Variants in TBC1D22A observed in about 807,000 individuals in gnomAD.
The protein encoded by TBC1D22A is putative GTPase activator.
In TBC1D22A, 38 loss-of-function variants were observed where a neutral mutation model predicts 60.2. The ratio of observed to expected loss-of-function variants is 0.63; its 90% CI spans 0.49 to 0.83. The LOEUF (loss-of-function observed/expected upper bound fraction) is 0.83. TBC1D22A is among the 40% of genes least tolerant of loss of function. The pLI, the probability that TBC1D22A is intolerant of heterozygous loss-of-function variation, is 0.00. For missense variants in TBC1D22A, 628 were observed against 701.0 expected (o/e 0.90, Z 1.18); for synonymous variants, 302 against 281.7 (o/e 1.07, Z -0.72).
In TBC1D22A at chr22:47,085,768, GA is replaced by G. The variant is rs1274220237; in HGVS notation, c.1330-25732del. On this transcript the variant is annotated intron_variant, in intron 11 of 12. Coordinates refer to ENST00000337137, the MANE Select transcript of TBC1D22A (RefSeq NM_014346.5). ...TTATCAGTGTGTGAGTTATCAAGTA[GA>G]AAAAAAAGGGCCAAGGATTCAAATA... 8.6e-5 allele frequency among the ~76,000 whole-genome samples: 13 copies of G among 151,672 alleles called. No homozygotes were observed. The East Asian group carries it at 2.5e-3, about 29-fold the overall frequency.
chr22:47,158,423 A>G (rs1199931526), intron 12 of TBC1D22A, among the ~76,000 whole-genome samples: 1 of 152,190 alleles, frequency 6.6e-6, no homozygotes, highest in Non-Finnish European at 1.5e-5. Context: ...AGGGGAGAGG[A>G]GAGGCACTGA....
intron 12 of TBC1D22A, among the ~76,000 whole-genome samples, chr22:47,159,232 A>T (rs1409522991): frequency 6.6e-6 from 1 of 151,332 alleles, no homozygotes; most frequent in Non-Finnish European, 1.5e-5. Context: ...CACAGACACC[A>T]CACACAAAAT....
At chr22:46,945,646 C>T (rs1319172930) in intron 8 of TBC1D22A, among the ~76,000 whole-genome samples, 1 of 152,204 alleles carries the variant, frequency 6.6e-6, no homozygotes, top group Non-Finnish European at 1.5e-5. Flanking sequence ...CTGCATTTGT[C>T]TCCCAGCCTC....
intron 10 of TBC1D22A, among the ~76,000 whole-genome samples, chr22:47,003,565 G>A (rs374284734): frequency 3.7e-4 from 37 of 100,468 alleles, no homozygotes; most frequent in Admixed American, 8.3e-4. Flanking sequence ...CACACCCTAC[G>A]CACACATGCC....
At chr22:47,167,838 C>T (rs1294233747) in intron 12 of TBC1D22A, among the ~76,000 whole-genome samples, 8 of 152,184 alleles carry the variant, frequency 5.3e-5, no homozygotes, top group Middle Eastern at 3.2e-3. Flanking sequence ...GTTCTCACTC[C>T]GGTCGTGGAC....
At chr22:46,808,933 C>G (rs1332273213) in intron 4 of TBC1D22A, among the ~76,000 whole-genome samples, 1 of 152,226 alleles carries the variant, frequency 6.6e-6, no homozygotes, top group Non-Finnish European at 1.5e-5. Context: ...CTATTGGAGG[C>G]TTTCTCTTGA....
chr22:46,907,844 C>A (rs2069602420), intron 7 of TBC1D22A, among the ~76,000 whole-genome samples: 1 of 152,174 alleles, frequency 6.6e-6, no homozygotes, highest in African/African-American at 2.4e-5. Flanking sequence ...GAGCTTGTCT[C>A]TGAGGAGATG....
chr22:47,016,345 C>A (rs1333565561), intron 10 of TBC1D22A, among the ~76,000 whole-genome samples: 1 of 152,128 alleles, frequency 6.6e-6, no homozygotes, highest in Admixed American at 6.5e-5. Context: ...GTCTTCATCC[C>A]CCACCTCCCC....
At chr22:46,833,258 T>C (rs906813002) in intron 4 of TBC1D22A, among the ~76,000 whole-genome samples, 21 of 152,362 alleles carry the variant, frequency 1.4e-4, no homozygotes, top group African/African-American at 4.8e-4. Context: ...TATTGGACCA[T>C]ACTTATAGGA....
At chr22:47,108,342 C>T (rs2065715482) in intron 11 of TBC1D22A, among the ~76,000 whole-genome samples, 2 of 152,180 alleles carry the variant, frequency 1.3e-5, no homozygotes, top group Admixed American at 1.3e-4. Context: ...TGTGGTATAT[C>T]CAAGCAGTGG....
chr22:47,067,173 C>T (rs538570173), intron 11 of TBC1D22A, among the ~76,000 whole-genome samples: 2 of 152,062 alleles, frequency 1.3e-5, no homozygotes, highest in South Asian at 2.1e-4. Flanking sequence ...GGCTGAGGCA[C>T]GAGAATCACT....
intron 9 of TBC1D22A, among the ~76,000 whole-genome samples, chr22:46,980,717 G>A (rs1474714649): frequency 6.6e-6 from 1 of 151,228 alleles, no homozygotes; most frequent in Non-Finnish European, 1.5e-5. Context: ...CTAGAGGAAA[G>A]CCAATATTTG....
intron 1 of TBC1D22A, among the ~76,000 whole-genome samples, chr22:46,768,355 G>T (rs190657648): frequency 1.7e-3 from 251 of 151,940 alleles, no homozygotes; most frequent in Middle Eastern, 3.4e-3. Flanking sequence ...CGTGGTGGCA[G>T]GCGCCTGTAA....
In TBC1D22A at chr22:46,917,092, A is replaced by G. The variant is rs369448474; in HGVS notation, c.1015+4904A>G. 3.1e-4 allele frequency among the ~76,000 whole-genome samples: 47 copies of G among 152,074 alleles called. No homozygotes were observed. In the East Asian group the frequency reaches 4.6e-3, roughly 15 times the overall value. On this transcript the variant is annotated intron_variant, in intron 8 of 12. Coordinates refer to ENST00000337137, the MANE Select transcript of TBC1D22A (RefSeq NM_014346.5). ...ATGGGGCGGGCAGAGTGTGGAGGAG[A>G]CTCCAGTTAGCACAGCCATTGGAGA... is the stretch of plus-strand genomic sequence containing the variant.
At chr22:46,897,737 G>A (rs986522791) in intron 7 of TBC1D22A, among the ~76,000 whole-genome samples, 2 of 146,028 alleles carry the variant, frequency 1.4e-5, no homozygotes, top group African/African-American at 2.6e-5. Flanking sequence ...CCTGCCTGAC[G>A]TGTTTTATTA....
chr22:46,840,685 A>C (rs369406495), intron 4 of TBC1D22A, among the ~76,000 whole-genome samples: 16 of 151,760 alleles, frequency 1.1e-4, no homozygotes, highest in East Asian at 3.9e-4. Context: ...GTGAGCCGAG[A>C]TTGCGCCACT....
At chr22:46,981,455 A>C (rs1036929691) in intron 9 of TBC1D22A, among the ~76,000 whole-genome samples, 2 of 152,138 alleles carry the variant, frequency 1.3e-5, no homozygotes, top group African/African-American at 4.8e-5. Context: ...TCCCCACCCA[A>C]ATCTCACCTT....
At position 47,028,821 on chromosome 22, in the gene TBC1D22A, T is replaced by C. The variant is rs1462617735; in HGVS notation, c.1202-8250T>C. On this transcript the variant is annotated intron_variant, in intron 10 of 12. Coordinates refer to ENST00000337137, the MANE Select transcript of TBC1D22A (RefSeq NM_014346.5). The surrounding 1 kb of genome is among the most constrained non-coding windows in gnomAD (Gnocchi z 4.4). ...CTCAGCCCTCAGGACCATTTAATGG[T>C]GGTGGGAGCATTCTGTTTGTCCCCA... Among the ~76,000 whole-genome samples, 1 of 152,154 alleles carries C rather than the reference T, an allele frequency of 6.6e-6. No individual in the cohort carries two copies. The highest frequency in any genetic ancestry group is 1.5e-5 in the Non-Finnish European group (1 of 68,018).
At chr22:47,153,615 C>T (rs944894828) in intron 12 of TBC1D22A, among the ~76,000 whole-genome samples, 6 of 151,954 alleles carry the variant, frequency 3.9e-5, no homozygotes, top group East Asian at 1.9e-4. Flanking sequence ...GTCGTGCAAG[C>T]GAAAGATGAG....
Sources: allele counts gnomAD v4.1 joint callset (sites outside exome capture counted in the v4.1 genomes callset), GRCh38; gene constraint gnomAD v4.1.1; non-coding constraint Gnocchi (gnomAD v3.1); transcripts MANE v1.5; gene names NCBI Gene and HGNC (gene_info 2026-07-23, HGNC 2026-07-21).